Variants in FERMT2 observed in about 807,000 individuals in gnomAD.
FERMT2 encodes fermitin family homolog 2.
In FERMT2, 15 loss-of-function variants were observed where a neutral mutation model predicts 82.7. The ratio of observed to expected loss-of-function variants is 0.18; its 90% confidence interval spans 0.12 to 0.28. The LOEUF (loss-of-function observed/expected upper bound fraction) is 0.28, where lower values mean the gene tolerates loss of function less well. FERMT2 is among the 10% of genes least tolerant of loss of function. FERMT2 has a pLI of 1.00. For missense variants in FERMT2, 645 were observed against 809.4 expected, an observed-to-expected ratio of 0.80 and a Z score of 2.46; for synonymous variants, 274 against 271.5, an observed-to-expected ratio of 1.01 and a Z score of -0.09.
intron 12 of FERMT2, chr14:52,860,685 A>C (rs1310612625): frequency 5.3e-6 from 3 of 569,024 alleles, no homozygotes; most frequent in Admixed American, 3.5e-5. Flanking sequence ...TATCAACAAA[A>C]AGTACTATTA....
Position 52,870,044 on chromosome 14 carries a change from G to A in FERMT2, c.1273+2755C>T, listed in dbSNP as rs114790915. Among the ~76,000 whole-genome samples the A allele has an allele frequency of 4.0e-3, 610 of 152,212 alleles. 5 individuals carry two copies. The highest frequency in any genetic ancestry group is 0.013 in the African/African-American group (559 of 41,514). ...TATAGCTGTACAATGTTTAAGCTACGTGTCATTAGAAAAGGGTCAAGATGT... is the reference window on the plus strand; with the variant it reads ...TATAGCTGTACAATGTTTAAGCTACATGTCATTAGAAAAGGGTCAAGATGT... On this transcript the variant is annotated intron_variant, in intron 10 of 14. Coordinates refer to ENST00000341590, the MANE Select transcript of FERMT2 (RefSeq NM_006832.3).
chr14:52,922,010 C>T (rs1198424206), intron 2 of FERMT2, among the ~76,000 whole-genome samples: 1 of 152,072 alleles, frequency 6.6e-6, no homozygotes, highest in Non-Finnish European at 1.5e-5. Context: ...ATGAGTCCAC[C>T]AGCACATGTC....
chr14:52,902,634 C>T (rs1335932125), intron 3 of FERMT2, among the ~76,000 whole-genome samples: 1 of 150,884 alleles, frequency 6.6e-6, no homozygotes, highest in Non-Finnish European at 1.5e-5. Context: ...TTTGGGAGGC[C>T]GAGGCGGGTG....
intron 1 of FERMT2, 59 bp downstream of exon 1, chr14:52,950,862 C>G: frequency 3.9e-6 from 1 of 256,908 alleles, no homozygotes; most frequent in Non-Finnish European, 7.3e-6. Context: ...CGCGGGCTGA[C>G]TCCCCGTTCC....
intron 2 of FERMT2, among the ~76,000 whole-genome samples, chr14:52,921,234 G>A (rs1888940015): frequency 6.6e-6 from 1 of 152,064 alleles, no homozygotes; most frequent in Non-Finnish European, 1.5e-5. Flanking sequence ...CATGCCACAG[G>A]TAGAAAAAGA....
At chr14:52,883,151 T>TCAAA (rs546675639) in intron 4 of FERMT2, among the ~76,000 whole-genome samples, 1,786 of 152,030 alleles carry the variant, frequency 0.012, 33 homozygotes, top group African/African-American at 0.038. Flanking sequence ...AGACTCTATC[T>TCAAA]CAAACAAACA....
chr14:52,915,176 A>C (rs1252621545), intron 3 of FERMT2, among the ~76,000 whole-genome samples: 1 of 152,230 alleles, frequency 6.6e-6, no homozygotes. Flanking sequence ...TACTTCAACA[A>C]AAGGAGACAG....
Position 52,859,650 on chromosome 14 carries a change from C to T in FERMT2, c.1792G>A (p.Ala598Thr), listed in dbSNP as rs907310260. ...GTTTTAATTGCATCTCCAGTGCTGG[C>T]ATCCATCCGAATCAGTCTGTTGTAT... ...IAYNRLIRMD[A>T]STGDAIKTWR... The change falls in exon 14 of 15, where the codon GCC becomes ACC. Residue 598 changes from alanine (A) to threonine (T), a missense_variant. Ala to Thr is a moderately conservative substitution (Grantham distance 58, BLOSUM62 0). Coordinates refer to ENST00000341590, the MANE Select transcript of FERMT2 (RefSeq NM_006832.3). 6.2e-7 allele frequency: 1 copy of T among 1,612,592 alleles called. No homozygotes were observed.
intron 10 of FERMT2, among the ~76,000 whole-genome samples, chr14:52,869,137 G>A (rs1408354277): frequency 1.3e-5 from 2 of 152,138 alleles, no homozygotes; most frequent in African/African-American, 4.8e-5. Flanking sequence ...GCTGAAGAGG[G>A]AAGCAGGAGA....
At position 52,860,365 on chromosome 14, in the gene FERMT2, A is replaced by C; in HGVS notation, c.1703T>G (p.Phe568Cys). 1.2e-6 allele frequency: 2 copies of C among 1,614,034 alleles called. No individual in the cohort carries two copies. Among genetic ancestry groups the C allele is most frequent in the Non-Finnish European group, 1.7e-6 (2 of 1,179,958 alleles). The change falls in exon 13 of 15, where the codon TTT (phenylalanine) becomes TGT (cysteine). Residue 568 changes from phenylalanine to cysteine, a missense_variant. Physicochemically the swap from Phe to Cys is radical, Grantham distance 205. Coordinates refer to ENST00000341590, the MANE Select transcript of FERMT2 (RefSeq NM_006832.3). ...CCTTGCAATGAAGTGAGTGATGCCA[A>C]ATTCAGGTAGTGACTGCCAAGCTTG... is the stretch of plus-strand genomic sequence containing the variant. ...FIQAWQSLPE[F>C]GITHFIARFQ...
chr14:52,857,312 T>C lies in FERMT2; in HGVS notation c.*1065A>G, dbSNP rs956278129. On this transcript the variant is annotated 3_prime_UTR_variant, in exon 15 of 15. Transcript: ENST00000341590. The stretch of plus-strand genomic sequence containing the variant: ...TGCTTTTATTTAAAATAAAATGCAT[T>C]TATACAGTCTTTGAACCATGGATTA... 3 of 152,636 alleles carry C rather than the reference T, an allele frequency of 2.0e-5. No individual in the cohort carries two copies. The highest frequency in any genetic ancestry group is 2.9e-5 in the Non-Finnish European group (2 of 68,048). 9.5% of individuals were successfully genotyped at this position (152,636 alleles called of 1,614,324 possible). A position where few individuals can be genotyped will look rare whatever the true frequency, so the allele number is the denominator to read the frequency against.
intron 14 of FERMT2, 198 bp from the exon 15 acceptor site, chr14:52,858,748 T>G: frequency 2.0e-6 from 1 of 500,612 alleles, no homozygotes. Context: ...TCCCCTACAC[T>G]TTAAGTTTTC....
In FERMT2 at chr14:52,858,281, A is replaced by T. The variant is rs947708841; in HGVS notation, c.*96T>A. ...AAAGAAGTTTTCATGATAAAATGAT[A>T]AATTTCAAGCTTACTTTATTAAGCA... On this transcript the variant is annotated 3_prime_UTR_variant, in exon 15 of 15. Transcript: ENST00000341590. 1.3e-5 allele frequency: 15 copies of T among 1,114,358 alleles called. No homozygotes were observed. The highest frequency in any genetic ancestry group is 1.8e-5 in the Non-Finnish European group (14 of 762,336). 69.0% of individuals were successfully genotyped at this position (1,114,358 alleles called of 1,614,324 possible).
chr14:52,882,185 A>G (rs1233422322), intron 4 of FERMT2, among the ~76,000 whole-genome samples: 1 of 152,248 alleles, frequency 6.6e-6, no homozygotes, highest in Non-Finnish European at 1.5e-5. Flanking sequence ...AAGTCTTCTC[A>G]GTGAATAAAC....
chr14:52,903,381 T>C (rs1887790544), intron 3 of FERMT2, among the ~76,000 whole-genome samples: 1 of 151,628 alleles, frequency 6.6e-6, no homozygotes, highest in Admixed American at 6.6e-5. Flanking sequence ...CTACAAAAAA[T>C]TTAAAAATTA....
chr14:52,947,738 C>G (rs1297204176), intron 2 of FERMT2, among the ~76,000 whole-genome samples: 2 of 152,138 alleles, frequency 1.3e-5, no homozygotes, highest in Non-Finnish European at 2.9e-5. Flanking sequence ...AAGGGCCAAA[C>G]CATAAAATTG....
At chr14:52,919,405 T>C (rs922762428) in intron 2 of FERMT2, 49 bp from the exon 3 acceptor site, 2 of 1,383,500 alleles carry the variant, frequency 1.4e-6, no homozygotes, top group Non-Finnish European at 2.0e-6. Flanking sequence ...ACCAAGGTGA[T>C]TTTGAGAAAT....
chr14:52,877,599 G>A (rs200910799), intron 7 of FERMT2, among the ~76,000 whole-genome samples: 1 of 7,052 alleles, frequency 1.4e-4, no homozygotes, highest in Non-Finnish European at 3.9e-4. Context: ...TTTTTTTTTT[G>A]CTAACCTCAC....
At position 52,864,625 on chromosome 14, in the gene FERMT2, G is replaced by T; in HGVS notation, c.1381-3C>A. On this transcript the variant is annotated splice_region_variant and splice_polypyrimidine_tract_variant and intron_variant, in intron 11 of 14. Coordinates refer to ENST00000341590, the MANE Select transcript of FERMT2 (RefSeq NM_006832.3). ...ATCCAGTGTGCATACTGTTTTTCCT[G>T]GAGAAAAGAAATACTGATGTGTGCA... 3 of 1,613,326 alleles carry T rather than the reference G, an allele frequency of 1.9e-6. No individual in the cohort carries two copies. Among genetic ancestry groups the T allele is most frequent in the Non-Finnish European group, 2.5e-6 (3 of 1,179,324 alleles).
Sources: gnomAD v4.1 joint callset for allele counts (sites outside exome capture counted in the v4.1 genomes callset) on GRCh38, gnomAD v4.1.1 for gene constraint, MANE v1.5 for transcripts, NCBI Gene and HGNC (gene_info 2026-07-23, HGNC 2026-07-21) for gene names.